Variants in CRTAC1 observed in about 807,000 individuals in gnomAD.
The protein encoded by CRTAC1 is cartilage acidic protein 1.
In CRTAC1, 37 loss-of-function variants were observed where a neutral mutation model predicts 67.8. The observed-to-expected ratio is 0.55, with a 90% CI of 0.42 to 0.72. The LOEUF (loss-of-function observed/expected upper bound fraction) is 0.72. CRTAC1 is among the 30% of genes least tolerant of loss of function. CRTAC1 has a pLI of 0.00. For synonymous variants in CRTAC1, 348 were observed against 371.0 expected (o/e 0.94, Z 0.71); for missense variants, 780 against 931.6 (o/e 0.84, Z 2.12).
chr10:97,965,168 C>T (rs1005441287), intron 2 of CRTAC1, among the ~76,000 whole-genome samples: 1 of 152,184 alleles, frequency 6.6e-6, no homozygotes, highest in East Asian at 1.9e-4. Context: ...ACCACAGGCT[C>T]GTGGAAGGTC....
chr10:98,003,367 T>C (rs1206856599), intron 2 of CRTAC1, among the ~76,000 whole-genome samples: 1 of 152,212 alleles, frequency 6.6e-6, no homozygotes, highest in African/African-American at 2.4e-5. Context: ...GCATTGGTCC[T>C]GCTGGGCTAA....
chr10:97,917,386 G>T, intron 5 of CRTAC1, 114 bp downstream of exon 5: 1 of 820,498 alleles, frequency 1.2e-6, no homozygotes, highest in Non-Finnish European at 1.7e-6. Flanking sequence ...CCTCACCAGG[G>T]ACATAAGGCC....
At position 97,865,667 on chromosome 10, in the gene CRTAC1, C is replaced by A. The variant is rs530051798; in HGVS notation, c.1867G>T (p.Ala623Ser). The A allele has an allele frequency of 6.2e-7, 1 of 1,610,070 alleles. No homozygotes were observed. Among genetic ancestry groups the A allele is most frequent in the African/African-American group, 1.3e-5 (1 of 74,962 alleles). Residue 623 changes from alanine (A) to serine (S), a missense_variant, in exon 15 of 15, where the codon GCT (alanine) becomes TCT (serine). Physicochemically the swap from Ala to Ser is moderately conservative, Grantham distance 99 (BLOSUM62 1). Coordinates refer to ENST00000370597, the MANE Select transcript of CRTAC1 (RefSeq NM_018058.7). ...GCAGCAGCAGCGGCAGTGGCAGCAG[C>A]AGCGGTGGGGGTGGTGGGGCGGGGG... Reference protein sequence around the residue: ...PGPRPTTPTAAAATAAAAAAA... With the variant: ...PGPRPTTPTASAATAAAAAAA...
intron 2 of CRTAC1, among the ~76,000 whole-genome samples, chr10:97,944,194 A>C (rs1474914751): frequency 6.6e-6 from 1 of 152,158 alleles, no homozygotes; most frequent in Non-Finnish European, 1.5e-5. Flanking sequence ...TTGGGAAGCC[A>C]AGGTGGGTGG....
chr10:97,870,956 C>T (rs2050087064), intron 14 of CRTAC1: 1 of 152,168 alleles, frequency 6.6e-6, no homozygotes, highest in African/African-American at 2.4e-5. Context: ...ATGCAACCCC[C>T]TAAAAAGGTT....
intron 14 of CRTAC1, among the ~76,000 whole-genome samples, chr10:97,875,096 A>G (rs1015347237): frequency 1.3e-5 from 2 of 152,250 alleles, no homozygotes; most frequent in African/African-American, 2.4e-5. Context: ...TAACTTCCCC[A>G]GTGTCAGTTA....
At chr10:97,948,846 A>G (rs1031752114) in intron 2 of CRTAC1, among the ~76,000 whole-genome samples, 1 of 152,222 alleles carries the variant, frequency 6.6e-6, no homozygotes, top group Non-Finnish European at 1.5e-5. Flanking sequence ...GAGGAAGGGG[A>G]AGCAAACACT....
intron 3 of CRTAC1, among the ~76,000 whole-genome samples, chr10:97,927,152 G>T (rs1268011066): frequency 2.0e-5 from 3 of 152,176 alleles, no homozygotes. Flanking sequence ...ATCTAGAGGA[G>T]AAACTAGGTC....
intron 11 of CRTAC1, among the ~76,000 whole-genome samples, chr10:97,886,048 A>G (rs1564877703): frequency 6.6e-6 from 1 of 152,220 alleles, no homozygotes; most frequent in Non-Finnish European, 1.5e-5. Flanking sequence ...AGGGGTTCCC[A>G]TATTTTAGAA....
At chr10:97,935,044 C>T (rs1457535534) in intron 3 of CRTAC1, among the ~76,000 whole-genome samples, 1 of 152,202 alleles carries the variant, frequency 6.6e-6, no homozygotes, top group Non-Finnish European at 1.5e-5. Flanking sequence ...TCATGAGACA[C>T]TGAGCAACAA....
intron 2 of CRTAC1, among the ~76,000 whole-genome samples, chr10:97,990,529 G>A (rs1337383764): frequency 6.6e-6 from 1 of 152,100 alleles, no homozygotes; most frequent in Non-Finnish European, 1.5e-5. Flanking sequence ...TTTCCTATTA[G>A]CGTCTTTTAG....
intron 9 of CRTAC1, among the ~76,000 whole-genome samples, chr10:97,896,204 T>A (rs1458586986): frequency 1.3e-5 from 2 of 152,206 alleles, no homozygotes; most frequent in African/African-American, 4.8e-5. Context: ...CTTCCCCTGG[T>A]CTTTGCATGG....
At chr10:97,929,404 A>T (rs569682636) in intron 3 of CRTAC1, among the ~76,000 whole-genome samples, 1 of 152,274 alleles carries the variant, frequency 6.6e-6, no homozygotes, top group Admixed American at 6.5e-5. Context: ...TGTCATAAAG[A>T]ACTCTTCCAA....
chr10:97,970,894 G>C (rs1366899774), intron 2 of CRTAC1, among the ~76,000 whole-genome samples: 1 of 152,144 alleles, frequency 6.6e-6, no homozygotes, highest in East Asian at 1.9e-4. Context: ...AGAGTAATAA[G>C]TAAAACACAT....
chr10:97,926,150 C>T (rs879907312), intron 3 of CRTAC1, among the ~76,000 whole-genome samples: 9 of 152,168 alleles, frequency 5.9e-5, no homozygotes. Flanking sequence ...GTGGAGGCTT[C>T]AGCACAGGCC....
intron 2 of CRTAC1, among the ~76,000 whole-genome samples, chr10:97,936,954 G>T (rs2051099150): frequency 6.6e-6 from 1 of 152,092 alleles, no homozygotes; most frequent in Admixed American, 6.5e-5. Context: ...GTGTGAATGA[G>T]CCCTGGAGGA....
chr10:97,918,347 ATTCTC>A (rs2050788197), intron 4 of CRTAC1, among the ~76,000 whole-genome samples: 1 of 152,272 alleles, frequency 6.6e-6, no homozygotes, highest in African/African-American at 2.4e-5. Flanking sequence ...TGCAAGAGTC[ATTCTC>A]TTCTCTAGTC....
At chr10:98,019,071 G>C (rs56364078) in intron 1 of CRTAC1, among the ~76,000 whole-genome samples, 5 of 150,288 alleles carry the variant, frequency 3.3e-5, no homozygotes, top group Non-Finnish European at 6.0e-5. Context: ...TAAGTTAGCT[G>C]GGGGGGGAGC....
In CRTAC1 at chr10:97,908,628, G is replaced by T. The variant is rs183854672; in HGVS notation, c.716-481C>A. 4.6e-5 allele frequency among the ~76,000 whole-genome samples: 7 copies of T among 152,322 alleles called. No homozygotes were observed. In the East Asian group the frequency reaches 1.2e-3, roughly 25 times the overall value. ...AGGTCCCAGCTATAGGTACGCAGAT[G>T]CTTACTTTGCTTTGTTTGACGTTAA... On this transcript the variant is annotated intron_variant, in intron 5 of 14. Transcript: ENST00000370597.
Sources: gnomAD v4.1 joint callset for allele counts (sites outside exome capture counted in the v4.1 genomes callset) on GRCh38, gnomAD v4.1.1 for gene constraint, MANE v1.5 for transcripts, NCBI Gene and HGNC (gene_info 2026-07-23, HGNC 2026-07-21) for gene names.